The following ZNF609 variants were observed in gnomAD, a reference collection of about 807,000 sequenced individuals.
ZNF609 encodes the protein zinc finger protein 609.
In ZNF609, 11 loss-of-function variants were observed where a neutral mutation model predicts 109.5. That is an observed-to-expected ratio of 0.10 (90% CI 0.06 to 0.17). ZNF609 has a LOEUF of 0.17. Ranked by LOEUF, ZNF609 falls within the 10% of genes least tolerant of loss-of-function variation. The probability of loss-of-function intolerance (pLI) is 1.00; values close to 1 mark genes in which losing one functional copy is unlikely to be tolerated. For missense variants in ZNF609, 1,559 were observed against 1,772.4 expected, an observed-to-expected ratio of 0.88 and a Z score of 2.16; for synonymous variants, 646 against 662.0, an observed-to-expected ratio of 0.98 and a Z score of 0.37.
At chr15:64,490,566 GC>G (rs1893400088) in intron 1 of ZNF609, among the ~76,000 whole-genome samples, 1 of 152,050 alleles carries the variant, frequency 6.6e-6, no homozygotes. Context: ...GAGCCACCGT[GC>G]CCAGCCCCCA....
In ZNF609 at chr15:64,678,320, A is replaced by G. The variant is rs1436284050; in HGVS notation, c.3607A>G (p.Ser1203Gly). ...CACGTCAGAGGAGTCTCGCCTTGGG[A>G]GCAAGGAGCCCCGGCCAAGTGTCCA... is the stretch of plus-strand genomic sequence containing the variant. ...LPTSEESRLG[S>G]KEPRPSVHVP... The change falls in exon 6 of 10, where the codon AGC becomes GGC. Residue 1203 changes from serine (S) to glycine (G), a missense_variant. Ser to Gly is a moderately conservative substitution (Grantham distance 56). Coordinates refer to ENST00000326648, the MANE Select transcript of ZNF609 (RefSeq NM_015042.2). 2 of 1,614,098 alleles carry G rather than the reference A, an allele frequency of 1.2e-6. No homozygotes were observed. The highest frequency in any genetic ancestry group is 1.7e-6 in the Non-Finnish European group (2 of 1,180,012).
intron 3 of ZNF609, among the ~76,000 whole-genome samples, chr15:64,638,379 A>T (rs952773938): frequency 6.6e-6 from 1 of 151,710 alleles, no homozygotes; most frequent in African/African-American, 2.4e-5. Flanking sequence ...CCTTGGCTTT[A>T]CTTGGCCTTT....
chr15:64,637,627 G>C (rs1896195345), intron 3 of ZNF609, among the ~76,000 whole-genome samples: 2 of 152,002 alleles, frequency 1.3e-5, no homozygotes, highest in Admixed American at 6.6e-5. Flanking sequence ...GCATTTCCCT[G>C]GTGAGTAATG....
At chr15:64,490,656 A>T (rs538254423) in intron 1 of ZNF609, among the ~76,000 whole-genome samples, 1 of 152,234 alleles carries the variant, frequency 6.6e-6, no homozygotes, top group African/African-American at 2.4e-5. Context: ...GGATTTAGTA[A>T]GGGTTTTCTA....
At chr15:64,672,034 A>G (rs1431755352) in intron 4 of ZNF609, among the ~76,000 whole-genome samples, 11 of 87,960 alleles carry the variant, frequency 1.3e-4, no homozygotes, top group Admixed American at 2.8e-4. Flanking sequence ...TTTTTTTGAG[A>G]TGGAGTCTCG....
intron 1 of ZNF609, among the ~76,000 whole-genome samples, chr15:64,479,411 C>T (rs962532008): frequency 6.7e-6 from 1 of 149,884 alleles, no homozygotes; most frequent in Non-Finnish European, 1.5e-5. Context: ...CCTGCCTCAG[C>T]CTGCCAAGTA....
chr15:64,472,364 G>A (rs1170316048), intron 1 of ZNF609, among the ~76,000 whole-genome samples: 1 of 152,190 alleles, frequency 6.6e-6, no homozygotes, highest in Admixed American at 6.5e-5. Flanking sequence ...TTGCATGCTG[G>A]TACCACATTT....
At chr15:64,574,336 TC>T (rs1894913957) in intron 2 of ZNF609, among the ~76,000 whole-genome samples, 1 of 152,150 alleles carries the variant, frequency 6.6e-6, no homozygotes, top group African/African-American at 2.4e-5. Flanking sequence ...TTGATGGAGT[TC>T]CTGTCCCACC....
chr15:64,487,333 A>G (rs779459517), intron 1 of ZNF609, among the ~76,000 whole-genome samples: 4 of 152,174 alleles, frequency 2.6e-5, no homozygotes. Flanking sequence ...GATCAGGACT[A>G]TGTTATAGCA....
intron 2 of ZNF609, among the ~76,000 whole-genome samples, chr15:64,617,189 T>G (rs1344380318): frequency 1.3e-5 from 2 of 151,990 alleles, no homozygotes; most frequent in African/African-American, 4.8e-5. Flanking sequence ...ACAAAGTTTT[T>G]GTTTTTGTTT....
intron 1 of ZNF609, among the ~76,000 whole-genome samples, chr15:64,496,510 A>G (rs1595699027): frequency 6.6e-6 from 1 of 152,204 alleles, no homozygotes; most frequent in South Asian, 2.1e-4. Flanking sequence ...AGAATTCTCT[A>G]TCATGGAAAT....
intron 2 of ZNF609, 139 bp from the exon 3 acceptor site, chr15:64,622,688 G>C: frequency 1.4e-6 from 1 of 717,460 alleles, no homozygotes; most frequent in South Asian, 1.8e-5. Context: ...GCCAGAACTT[G>C]AAAGGAAGAA....
chr15:64,648,685 T>A (rs1019482151), intron 3 of ZNF609, among the ~76,000 whole-genome samples: 3 of 146,952 alleles, frequency 2.0e-5, no homozygotes, highest in Non-Finnish European at 4.4e-5. Context: ...ATATAGAAGA[T>A]GTTAAAGCAC....
intron 3 of ZNF609, among the ~76,000 whole-genome samples, chr15:64,661,795 C>G (rs2141005197): frequency 6.6e-6 from 1 of 152,264 alleles, no homozygotes; most frequent in South Asian, 2.1e-4. Flanking sequence ...GTTTTTGTAA[C>G]TTCAATACTT....
chr15:64,519,902 T>C (rs532665594), intron 2 of ZNF609, among the ~76,000 whole-genome samples: 1 of 152,218 alleles, frequency 6.6e-6, no homozygotes, highest in Non-Finnish European at 1.5e-5. Flanking sequence ...TATATGGTTT[T>C]AATTTAAAAG....
At chr15:64,550,622 G>A (rs545992325) in intron 2 of ZNF609, among the ~76,000 whole-genome samples, 36 of 152,106 alleles carry the variant, frequency 2.4e-4, no homozygotes, top group African/African-American at 8.2e-4. Flanking sequence ...CAAGGTGGGC[G>A]GATCACCTGA....
At chr15:64,660,311 G>A (rs1185334794) in intron 3 of ZNF609, among the ~76,000 whole-genome samples, 1 of 152,098 alleles carries the variant, frequency 6.6e-6, no homozygotes, top group Admixed American at 6.6e-5. Flanking sequence ...TCTGAGGCCA[G>A]AGCCTGAACA....
chr15:64,510,561 T>C (rs1893709589), intron 2 of ZNF609, among the ~76,000 whole-genome samples: 1 of 152,086 alleles, frequency 6.6e-6, no homozygotes, highest in South Asian at 2.1e-4. Context: ...AAATTAAACT[T>C]TATCATAGGT....
At chr15:64,639,085 C>A (rs141685081) in intron 3 of ZNF609, among the ~76,000 whole-genome samples, 5 of 151,930 alleles carry the variant, frequency 3.3e-5, no homozygotes, top group African/African-American at 4.8e-5. Context: ...CATAGTGAGA[C>A]CCGTCTTTAT....
Sources: gnomAD v4.1 joint callset for allele counts (sites outside exome capture counted in the v4.1 genomes callset) on GRCh38, gnomAD v4.1.1 for gene constraint, MANE v1.5 for transcripts, NCBI Gene and HGNC (gene_info 2026-07-23, HGNC 2026-07-21) for gene names.